The following MAN1C1 variants were observed in gnomAD, a reference collection of about 807,000 sequenced individuals.
MAN1C1 encodes mannosidase alpha class 1C member 1, also known as mannosyl-oligosaccharide 1,2-alpha-mannosidase IC.
MAN1C1 carries 49 observed loss-of-function variants against 71.5 expected under a neutral mutation model. The ratio of observed to expected loss-of-function variants is 0.69; its 90% CI spans 0.54 to 0.87. The LOEUF (loss-of-function observed/expected upper bound fraction) is 0.87, where lower values mean the gene tolerates loss of function less well. MAN1C1 is among the 40% of genes least tolerant of loss of function. MAN1C1 has a pLI of 0.00. For missense variants in MAN1C1, 743 were observed against 835.0 expected (o/e 0.89, Z 1.36); for synonymous variants, 352 against 343.7 (o/e 1.02, Z -0.27).
chr1:25,747,788 C>T (rs534912978), intron 3 of MAN1C1, among the ~76,000 whole-genome samples: 3 of 152,298 alleles, frequency 2.0e-5, no homozygotes, highest in African/African-American at 7.2e-5. Context: ...TTAGATTCCT[C>T]AACTATACAA....
chr1:25,709,692 G>A (rs1465026365), intron 2 of MAN1C1: 4 of 152,112 alleles, frequency 2.6e-5, no homozygotes, highest in Non-Finnish European at 4.4e-5. Flanking sequence ...TCTTCGTAAC[G>A]TTAGCCTTTC....
chr1:25,746,839 G>A lies in MAN1C1; in HGVS notation c.753+56G>A. ...GGCGGGGGCCAGAAGAGGCCCAACA[G>A]CCAGCTTCACCCTGTCATCTCTGAG... On this transcript the variant is annotated intron_variant, in intron 3 of 11. Transcript: ENST00000374332. This position sits in a 1 kb window ranked among gnomAD's most constrained non-coding sequence, Gnocchi z 4.0. 8.5e-7 allele frequency: 1 copy of A among 1,182,092 alleles called. No homozygotes were observed. The highest frequency in any genetic ancestry group is 1.2e-6 in the Non-Finnish European group (1 of 816,014). The allele number at this position is 1,182,092 out of a possible 1,614,324, so 73.2% of individuals were successfully genotyped here.
rs1478747266 is a variant in MAN1C1 at position 25,753,670 on chromosome 1, G to C, written c.929+92G>C. On this transcript the variant is annotated intron_variant, in intron 5 of 11. Coordinates refer to ENST00000374332, the MANE Select transcript of MAN1C1 (RefSeq NM_020379.4). This position sits in a 1 kb window ranked among gnomAD's most constrained non-coding sequence, Gnocchi z 4.9. ...GGGTGGTGCTGGTGAGGAGGCTCCA[G>C]GGGCAGTAGGCAGGCAAGCAGGAGG... 3 of 1,138,050 alleles carry C rather than the reference G, an allele frequency of 2.6e-6. No homozygotes were observed. Among genetic ancestry groups the C allele is most frequent in the Non-Finnish European group, 3.8e-6 (3 of 790,510 alleles). 70.5% of individuals were successfully genotyped at this position (1,138,050 alleles called of 1,614,324 possible). A position where few individuals can be genotyped will look rare whatever the true frequency, so the allele number is the denominator to read the frequency against.
At chr1:25,738,403 G>A (rs891779279) in intron 2 of MAN1C1, among the ~76,000 whole-genome samples, 1 of 152,162 alleles carries the variant, frequency 6.6e-6, no homozygotes, top group East Asian at 1.9e-4. Context: ...TGGGTAATGG[G>A]GATGTCACTT....
chr1:25,740,042 G>A (rs1441730647), intron 2 of MAN1C1, among the ~76,000 whole-genome samples: 3 of 152,168 alleles, frequency 2.0e-5, no homozygotes, highest in Non-Finnish European at 2.9e-5. Flanking sequence ...GCAGTGGAAG[G>A]TGGCGGTGAA....
rs564123750 is a variant in MAN1C1 at position 25,768,081 on chromosome 1, C to A, written c.1142-3576C>A. Among the ~76,000 whole-genome samples the A allele has an allele frequency of 3.6e-3, 270 of 75,610 alleles. 35 individuals are homozygous for A. Among genetic ancestry groups the A allele is most frequent in the African/African-American group, 0.023 (240 of 10,432 alleles). The allele number at this position is 75,610 out of a possible 152,430, so 49.6% of individuals were successfully genotyped here. A position where few individuals can be genotyped will look rare whatever the true frequency, so the allele number is the denominator to read the frequency against. ...CCCTCACACACACACACACTCCCCC[C>A]CACACACAGACCCACACACCCCTCA... On this transcript the variant is annotated intron_variant, in intron 7 of 11. Transcript: ENST00000374332.
chr1:25,625,834 G>T (rs1170209518), intron 1 of MAN1C1, among the ~76,000 whole-genome samples: 1 of 152,018 alleles, frequency 6.6e-6, no homozygotes, highest in African/African-American at 2.4e-5. Flanking sequence ...GAAAAAAAAA[G>T]TACAAAATAA....
chr1:25,763,047 C>G (rs2047380947), intron 6 of MAN1C1, among the ~76,000 whole-genome samples: 2 of 152,058 alleles, frequency 1.3e-5, no homozygotes, highest in Admixed American at 6.5e-5. Flanking sequence ...GCTGGTGGAT[C>G]ACTTGAGGTC....
intron 6 of MAN1C1, chr1:25,760,035 C>T (rs2047340797): frequency 6.6e-6 from 1 of 152,330 alleles, no homozygotes; most frequent in Non-Finnish European, 1.5e-5. Flanking sequence ...CAAGTCCCAT[C>T]CCCCAACCTC....
intron 2 of MAN1C1, among the ~76,000 whole-genome samples, chr1:25,734,489 G>C (rs1439263103): frequency 6.6e-6 from 1 of 152,236 alleles, no homozygotes; most frequent in Non-Finnish European, 1.5e-5. Context: ...GGCAAAAAAG[G>C]ATTGTTCTTA....
rs1213687389 is a variant in MAN1C1 at position 25,735,760 on chromosome 1, T to C, written c.638-10908T>C. Among the ~76,000 whole-genome samples, 1 of 152,166 alleles carries C rather than the reference T, an allele frequency of 6.6e-6. No individual in the cohort carries two copies. Among genetic ancestry groups the C allele is most frequent in the East Asian group, 1.9e-4 (1 of 5,188 alleles). On this transcript the variant is annotated intron_variant, in intron 2 of 11. Transcript: ENST00000374332. This position sits in a 1 kb window ranked among gnomAD's most constrained non-coding sequence, Gnocchi z 4.6. ...TCATCCTTCCTGGACCAGTGGCCAT[T>C]TGAGGTTCATTCTTCTCATGGTGAA... is the stretch of plus-strand genomic sequence containing the variant.
intron 1 of MAN1C1, among the ~76,000 whole-genome samples, chr1:25,667,984 T>C (rs1356558094): frequency 6.6e-6 from 1 of 152,172 alleles, no homozygotes; most frequent in Admixed American, 6.5e-5. Context: ...TTATGTGGCA[T>C]TTGTAAGGCT....
intron 2 of MAN1C1, among the ~76,000 whole-genome samples, chr1:25,729,223 C>T (rs1319664729): frequency 6.6e-6 from 1 of 152,220 alleles, no homozygotes; most frequent in East Asian, 1.9e-4. Context: ...CCCTGACCAG[C>T]TTCCTACCTC....
chr1:25,696,229 C>T (rs2046367764), intron 2 of MAN1C1, among the ~76,000 whole-genome samples: 3 of 152,152 alleles, frequency 2.0e-5, no homozygotes, highest in Admixed American at 6.5e-5. Flanking sequence ...GCCAAGTTTC[C>T]CAGCAAACCC....
intron 2 of MAN1C1, among the ~76,000 whole-genome samples, chr1:25,687,596 C>T (rs1370438383): frequency 1.3e-5 from 2 of 152,158 alleles, no homozygotes; most frequent in Non-Finnish European, 2.9e-5. Flanking sequence ...CAAGGGATAT[C>T]CCCCCATCAC....
rs114694306 is a variant in MAN1C1 at position 25,744,806 on chromosome 1, A to G, written c.638-1862A>G. On this transcript the variant is annotated intron_variant, in intron 2 of 11. Transcript: ENST00000374332. ...ATTAGAGGCTAACTCTGAATTCAGG[A>G]GGTGCCGCAAAGCCCACGCTGCAGA... 9.7e-3 allele frequency among the ~76,000 whole-genome samples: 1,481 copies of G among 152,314 alleles called. 31 individuals are homozygous for G. Among genetic ancestry groups the G allele is most frequent in the African/African-American group, 0.033 (1,382 of 41,572 alleles).
At chr1:25,627,287 TTCTTC>T (rs59306066) in intron 1 of MAN1C1, among the ~76,000 whole-genome samples, 4 of 151,770 alleles carry the variant, frequency 2.6e-5, no homozygotes, top group Admixed American at 6.6e-5. Context: ...TTGTCTTCTC[TTCTTC>T]TCTTCTCTTC....
At chr1:25,759,782 C>T (rs956251566) in intron 6 of MAN1C1, 2 of 152,126 alleles carry the variant, frequency 1.3e-5, no homozygotes, top group African/African-American at 4.8e-5. Context: ...TGTAGGAGTC[C>T]ACCTGAGTGT....
At chr1:25,669,315 G>A (rs893405193) in intron 1 of MAN1C1, among the ~76,000 whole-genome samples, 1 of 152,158 alleles carries the variant, frequency 6.6e-6, no homozygotes, top group African/African-American at 2.4e-5. Context: ...ACAGTTAGCT[G>A]TGTGTCCTTG....
Sources: allele counts gnomAD v4.1 joint callset (sites outside exome capture counted in the v4.1 genomes callset), GRCh38; gene constraint gnomAD v4.1.1; non-coding constraint Gnocchi (gnomAD v3.1); transcripts MANE v1.5; gene names NCBI Gene and HGNC (gene_info 2026-07-23, HGNC 2026-07-21).